Variants in RAPGEF1 observed in about 807,000 individuals in gnomAD.
RAPGEF1 encodes the protein CRK SH3-binding GNRP.
A neutral mutation model predicts 143.3 loss-of-function variants in RAPGEF1; 33 were observed. That is an observed-to-expected ratio of 0.23 (90% CI 0.17 to 0.31). The LOEUF is 0.31. Among genes scored for constraint, RAPGEF1 ranks in the 10% least tolerant of loss-of-function variants. RAPGEF1 has a pLI of 1.00. For missense variants in RAPGEF1, 1,199 were observed against 1,645.4 expected (o/e 0.73, Z 4.69); for synonymous variants, 629 against 676.5 (o/e 0.93, Z 1.09).
chr9:131,609,292 T>C (rs1334077632), intron 12 of RAPGEF1, among the ~76,000 whole-genome samples: 2 of 152,222 alleles, frequency 1.3e-5, no homozygotes, highest in East Asian at 3.8e-4. Flanking sequence ...ACTGTTCTTA[T>C]TACTGATGAA....
Position 131,625,944 on chromosome 9 carries a change from T to G in RAPGEF1, c.1680A>C (p.Leu560=), listed in dbSNP as rs905385329. Residue 560 remains leucine (L), a synonymous_variant, in exon 10 of 27, where the codon CTA becomes CTC. Transcript: ENST00000683357. Reference sequence around the variant, plus strand: ...TACTGTGTTTGTTTTTCTTCTCTGGTAGAGGAGGTGGTTTTTCTGGGTCAC... The same window carrying G: ...TACTGTGTTTGTTTTTCTTCTCTGGGAGAGGAGGTGGTTTTTCTGGGTCAC... The part of the protein sequence containing the change: ...STGDPEKPPP[L]PEKKNKHMLA... 25 of 1,582,532 alleles carry G rather than the reference T, an allele frequency of 1.6e-5. No homozygotes were observed. Among genetic ancestry groups the G allele is most frequent in the Non-Finnish European group, 2.1e-5 (24 of 1,157,268 alleles).
At position 131,650,744 on chromosome 9, in the gene RAPGEF1, C is replaced by A. The variant is rs1412228038; in HGVS notation, c.201+66G>T. 1.2e-5 allele frequency: 19 copies of A among 1,577,922 alleles called. No individual in the cohort carries two copies. Among genetic ancestry groups the A allele is most frequent in the Admixed American group, 1.8e-5 (1 of 55,890 alleles). On this transcript the variant is annotated intron_variant, in intron 2 of 26. Transcript: ENST00000683357. The surrounding 1 kb of genome is among the most constrained non-coding windows in gnomAD (Gnocchi z 4.7). ...GCTCAATCCCCAGGGAGGGAACATA[C>A]AAATCGCACAAACTCATATTGCTGG...
At chr9:131,730,193 C>CA (rs57402366) in intron 1 of RAPGEF1, among the ~76,000 whole-genome samples, 7,472 of 66,844 alleles carry the variant, frequency 0.11, 488 homozygotes, top group Middle Eastern at 0.25. Flanking sequence ...GACTCCCTCT[C>CA]AAAAAAAAAA....
At chr9:131,695,745 GA>G (rs1356998098) in intron 1 of RAPGEF1, among the ~76,000 whole-genome samples, 1 of 152,130 alleles carries the variant, frequency 6.6e-6, no homozygotes, top group Non-Finnish European at 1.5e-5. Flanking sequence ...TGGAATGATG[GA>G]AACTCCAAGA....
intron 14 of RAPGEF1, 56 bp from the exon 15 acceptor site, chr9:131,602,205 T>C (rs1335029382): frequency 1.8e-5 from 24 of 1,346,500 alleles, no homozygotes; most frequent in Non-Finnish European, 2.4e-5. Context: ...GGGGCTGCTC[T>C]GTCTTCCCAG....
Position 131,584,161 on chromosome 9 carries a change from G to C in RAPGEF1, c.3414+150C>G, listed in dbSNP as rs548982269. On this transcript the variant is annotated intron_variant, in intron 24 of 26. Transcript: ENST00000683357. This position sits in a 1 kb window ranked among gnomAD's most constrained non-coding sequence, Gnocchi z 6.8. ...GAGACAGGAAGGCGGGAGGGCAGCT[G>C]TTCTGGTCACACAGCATGTCGGTGG... 3 of 733,650 alleles carry C rather than the reference G, an allele frequency of 4.1e-6. No homozygotes were observed. The East Asian group carries it at 8.1e-5, about 20-fold the overall frequency. 45.4% of individuals were successfully genotyped at this position (733,650 alleles called of 1,614,324 possible).
At chr9:131,685,511 G>T (rs1247306827) in intron 1 of RAPGEF1, among the ~76,000 whole-genome samples, 1 of 152,198 alleles carries the variant, frequency 6.6e-6, no homozygotes, top group Non-Finnish European at 1.5e-5. Context: ...TAACATGAGC[G>T]ATCTGTGCCA....
chr9:131,644,216 G>C (rs1006351612), intron 3 of RAPGEF1, among the ~76,000 whole-genome samples: 7 of 152,062 alleles, frequency 4.6e-5, no homozygotes, highest in African/African-American at 1.7e-4. Flanking sequence ...CTGACCGTGG[G>C]AGGCCTTGGA....
intron 1 of RAPGEF1, chr9:131,709,617 T>C (rs764179236): frequency 1.4e-5 from 22 of 1,613,744 alleles, no homozygotes; most frequent in Middle Eastern, 1.7e-4. Context: ...AGGGCTTTCT[T>C]ACCTTGTTTC....
intron 6 of RAPGEF1, 131 bp from the exon 7 acceptor site, chr9:131,629,385 T>C: frequency 1.1e-6 from 1 of 924,186 alleles, no homozygotes; most frequent in Non-Finnish European, 1.6e-6. Flanking sequence ...GCAGGCTCCC[T>C]GGATATAGAA....
intron 1 of RAPGEF1, among the ~76,000 whole-genome samples, chr9:131,719,009 T>A (rs1836065914): frequency 6.6e-6 from 1 of 152,142 alleles, no homozygotes; most frequent in African/African-American, 2.4e-5. Flanking sequence ...GCTTTTTGTG[T>A]GTGTGTGTGA....
intron 1 of RAPGEF1, among the ~76,000 whole-genome samples, chr9:131,668,798 A>T (rs1410161469): frequency 6.6e-6 from 1 of 152,250 alleles, no homozygotes; most frequent in Non-Finnish European, 1.5e-5. Context: ...TGGTAAAATA[A>T]CAGTTTATTC....
chr9:131,701,451 C>T (rs1251118142), intron 1 of RAPGEF1, among the ~76,000 whole-genome samples: 1 of 152,192 alleles, frequency 6.6e-6, no homozygotes, highest in Non-Finnish European at 1.5e-5. Flanking sequence ...AGTTACATGT[C>T]AACTGCTCCC....
intron 12 of RAPGEF1, among the ~76,000 whole-genome samples, chr9:131,617,688 C>T (rs1181122005): frequency 6.6e-6 from 1 of 152,190 alleles, no homozygotes; most frequent in Non-Finnish European, 1.5e-5. Flanking sequence ...TCTAAGCTTA[C>T]TACATACCTA....
At position 131,602,089 on chromosome 9, in the gene RAPGEF1, C is replaced by T. The variant is rs1365034327; in HGVS notation, c.2473G>A (p.Gly825Arg). 5.6e-6 allele frequency: 9 copies of T among 1,604,420 alleles called. No individual in the cohort carries two copies. The highest frequency in any genetic ancestry group is 7.7e-6 in the Non-Finnish European group (9 of 1,176,332). ...RDPSAVSGVP[G>R]KDSRDGSERA... ...TCACTGCCGTCTCTGCTGTCCTTCC[C>T]AGGGACGCCGCTGACCGCTGAGGGA... The change falls in exon 15 of 27, where the codon GGG becomes AGG. Residue 825 changes from glycine (G) to arginine (R), a missense_variant. Coordinates refer to ENST00000683357, the MANE Select transcript of RAPGEF1 (RefSeq NM_001377935.1).
At chr9:131,618,947 G>A (rs1183807969) in intron 12 of RAPGEF1, 104 bp downstream of exon 12, 4 of 1,047,834 alleles carry the variant, frequency 3.8e-6, no homozygotes, top group Non-Finnish European at 3.9e-6. Flanking sequence ...CCGCAGAAGG[G>A]CAGGGGCCGC....
Position 131,621,739 on chromosome 9 carries a change from G to T in RAPGEF1, c.1905+57C>A. 6.6e-7 allele frequency: 1 copy of T among 1,512,694 alleles called. No homozygotes were observed. Among genetic ancestry groups the T allele is most frequent in the African/African-American group, 1.4e-5 (1 of 72,662 alleles). 93.7% of individuals were successfully genotyped at this position (1,512,694 alleles called of 1,614,324 possible). ...CCTGCCCCCAAGGAGGGTCATTCTG[G>T]TTCCTAGAGACCTGCTAGGATCGGA... On this transcript the variant is annotated intron_variant, in intron 11 of 26. Transcript: ENST00000683357. This position sits in a 1 kb window ranked among gnomAD's most constrained non-coding sequence, Gnocchi z 4.5.
rs1485130925 is a variant in RAPGEF1, at chr9:131,668,411, T to C, written c.62-17462A>G. On this transcript the variant is annotated intron_variant, in intron 1 of 26. Transcript: ENST00000683357. ...TCCCCTTAGAAGCCAGGAGTGGGGC[T>C]TCTAATATGTGGGGAGCTCTTGGCA... 2.0e-5 allele frequency among the ~76,000 whole-genome samples: 3 copies of C among 152,220 alleles called. No individual in the cohort carries two copies. The East Asian group carries it at 5.8e-4, about 29-fold the overall frequency.
chr9:131,739,960 G>A lies in RAPGEF1; in HGVS notation c.-130C>T. 2.3e-6 allele frequency: 1 copy of A among 425,632 alleles called. No homozygotes were observed. The highest frequency in any genetic ancestry group is 3.1e-6 in the Non-Finnish European group (1 of 322,182). The allele number at this position is 425,632 out of a possible 1,614,324, so 26.4% of individuals were successfully genotyped here. A position where few individuals can be genotyped will look rare whatever the true frequency, so the allele number is the denominator to read the frequency against. ...GCGCGGCCGCGGCCCTGCGCTCGGCGACCGCGCTCCAGCCCGCCCGGGCCC... is the reference window on the plus strand; with the variant it reads ...GCGCGGCCGCGGCCCTGCGCTCGGCAACCGCGCTCCAGCCCGCCCGGGCCC... On this transcript the variant is annotated 5_prime_UTR_variant, in exon 1 of 27. Transcript: ENST00000683357.
Sources: allele counts gnomAD v4.1 joint callset (sites outside exome capture counted in the v4.1 genomes callset), GRCh38; gene constraint gnomAD v4.1.1; non-coding constraint Gnocchi (gnomAD v3.1); transcripts MANE v1.5; gene names NCBI Gene and HGNC (gene_info 2026-07-23, HGNC 2026-07-21).